CDC42BPA: variants seen among roughly 807,000 people sequenced by gnomAD.
CDC42BPA encodes the protein CDC42 binding protein kinase alpha.
Under a neutral mutation model 223.5 loss-of-function variants are expected in CDC42BPA, and 80 were observed. The observed-to-expected ratio is 0.36, with a 90% CI of 0.30 to 0.43. The LOEUF is 0.43. Among genes scored for constraint, CDC42BPA ranks in the 20% least tolerant of loss-of-function variants. The probability of loss-of-function intolerance (pLI) is 1.00; values close to 1 mark genes in which losing one functional copy is unlikely to be tolerated. For missense variants in CDC42BPA, 1,743 were observed against 2,099.9 expected (o/e 0.83, Z 3.32); for synonymous variants, 694 against 718.6 (o/e 0.97, Z 0.55).
chr1:227,130,952 G>T (rs935808441), intron 10 of CDC42BPA, among the ~76,000 whole-genome samples: 10 of 152,116 alleles, frequency 6.6e-5, no homozygotes, highest in African/African-American at 2.4e-4. Flanking sequence ...TATGAAGGTG[G>T]GGCAGGCATC....
At position 227,072,242 on chromosome 1, in the gene CDC42BPA, C is replaced by T. The variant is rs749908214; in HGVS notation, c.2793G>A (p.Leu931=). 4 of 1,609,318 alleles carry T rather than the reference C, an allele frequency of 2.5e-6. No homozygotes were observed. Among genetic ancestry groups the T allele is most frequent in the Admixed American group, 3.3e-5 (2 of 59,876 alleles). The change falls in exon 20 of 37, where the codon CTG becomes CTA. Residue 931 remains leucine (L), a synonymous_variant. Transcript: ENST00000366766. The part of the protein sequence containing the change: ...NLELLSEIEQ[L]IKDTEELRSE... ...ATCTAAGCTCTTCAGTGTCCTTTATCAGCTGTTCGATTTCTGAGAGTAGTT... is the reference window on the plus strand; with the variant it reads ...ATCTAAGCTCTTCAGTGTCCTTTATTAGCTGTTCGATTTCTGAGAGTAGTT...
chr1:227,143,627 T>C (rs1660111186), intron 8 of CDC42BPA, among the ~76,000 whole-genome samples: 1 of 152,154 alleles, frequency 6.6e-6, no homozygotes, highest in South Asian at 2.1e-4. Context: ...ATGGAGAAAA[T>C]AATGTGCTAG....
chr1:227,214,791 TGTAA>T (rs1449541510), intron 2 of CDC42BPA, among the ~76,000 whole-genome samples: 4 of 152,184 alleles, frequency 2.6e-5, no homozygotes, highest in Non-Finnish European at 5.9e-5. Flanking sequence ...ACCAGTTTTC[TGTAA>T]GTATGTATCT....
intron 5 of CDC42BPA, among the ~76,000 whole-genome samples, chr1:227,180,113 C>T (rs964882469): frequency 5.9e-5 from 9 of 151,938 alleles, no homozygotes; most frequent in African/African-American, 1.5e-4. Context: ...GGCTGAGGCA[C>T]GAGACTCGCT....
At position 227,306,353 on chromosome 1, in the gene CDC42BPA, G is replaced by A. The variant is rs188725630; in HGVS notation, c.178+10652C>T. Among the ~76,000 whole-genome samples the A allele has an allele frequency of 4.5e-4, 68 of 152,212 alleles. No homozygotes were observed. In the East Asian group the frequency reaches 9.5e-3, roughly 21 times the overall value. On this transcript the variant is annotated intron_variant, in intron 1 of 36. Coordinates refer to ENST00000366766, the MANE Select transcript of CDC42BPA (RefSeq NM_001394014.1). The stretch of plus-strand genomic sequence containing the variant: ...GTCAACTGAGCCAGATGCACACAGA[G>A]GTTGAATAAAACCAGAACTCATGAG...
chr1:227,028,556 A>G, intron 30 of CDC42BPA, 101 bp downstream of exon 30: 2 of 793,248 alleles, frequency 2.5e-6, no homozygotes, highest in Non-Finnish European at 3.9e-6. Context: ...TGACTTTTTT[A>G]AAAAACTGTT....
chr1:227,253,797 T>G (rs1007665286), intron 2 of CDC42BPA, among the ~76,000 whole-genome samples: 1 of 152,088 alleles, frequency 6.6e-6, no homozygotes, highest in Middle Eastern at 3.2e-3. Context: ...AAGAAGAGTC[T>G]AGAAACACAC....
At chr1:227,258,162 G>A (rs1457282115) in intron 1 of CDC42BPA, among the ~76,000 whole-genome samples, 1 of 128,756 alleles carries the variant, frequency 7.8e-6, no homozygotes, top group Non-Finnish European at 1.6e-5. Context: ...GCAACAGGGT[G>A]AAACCCTGTC....
intron 5 of CDC42BPA, among the ~76,000 whole-genome samples, chr1:227,163,013 CGTGTATGTTTCCAAACAT>C (rs1558649193): frequency 0.065 from 4,043 of 62,006 alleles, 177 homozygotes; most frequent in African/African-American, 0.17. Context: ...TGTTTCCAAA[CGTGTATGTTTCCAAACAT>C]ATGTGTTTCC....
chr1:227,103,952 TCTATAATTTTAAAAAGAA>T (rs1685470298), intron 14 of CDC42BPA, among the ~76,000 whole-genome samples: 2 of 152,054 alleles, frequency 1.3e-5, no homozygotes, highest in African/African-American at 2.4e-5. Context: ...CAACAAATCT[TCTATAATTTTAAAAAGAA>T]ACAAGATCAA....
At chr1:227,300,891 G>C (rs1017959815) in intron 1 of CDC42BPA, among the ~76,000 whole-genome samples, 1 of 152,170 alleles carries the variant, frequency 6.6e-6, no homozygotes, top group African/African-American at 2.4e-5. Context: ...CAGAAGAGCG[G>C]GTAAGCGCTG....
At chr1:227,052,853 G>A (rs139362883) in intron 21 of CDC42BPA, among the ~76,000 whole-genome samples, 1 of 152,228 alleles carries the variant, frequency 6.6e-6, no homozygotes, top group Non-Finnish European at 1.5e-5. Context: ...TGATGATAAC[G>A]TATCCCTTAG....
intron 14 of CDC42BPA, among the ~76,000 whole-genome samples, chr1:227,105,365 T>C (rs1685732717): frequency 1.4e-5 from 2 of 145,138 alleles, no homozygotes; most frequent in African/African-American, 2.6e-5. Flanking sequence ...TCTTTTTTTT[T>C]TTTTTTTTTT....
At chr1:227,080,390 TAAGA>T (rs1265057307) in intron 17 of CDC42BPA, among the ~76,000 whole-genome samples, 8 of 152,090 alleles carry the variant, frequency 5.3e-5, no homozygotes, top group Non-Finnish European at 1.0e-4. Context: ...CCCAAGAGCT[TAAGA>T]AAGAGCTGAT....
chr1:227,185,994 G>T (rs1413144317), intron 5 of CDC42BPA, among the ~76,000 whole-genome samples: 2 of 152,142 alleles, frequency 1.3e-5, no homozygotes, highest in Non-Finnish European at 2.9e-5. Context: ...AAGGTCACAG[G>T]GCAAACTGTT....
chr1:227,126,763 C>G (rs989726469), intron 11 of CDC42BPA, among the ~76,000 whole-genome samples: 16 of 152,018 alleles, frequency 1.1e-4, no homozygotes, highest in Admixed American at 8.5e-4. Flanking sequence ...TCAATTGATA[C>G]AGAAAAAGAA....
intron 9 of CDC42BPA, among the ~76,000 whole-genome samples, chr1:227,140,625 G>A (rs964176771): frequency 6.6e-6 from 1 of 152,184 alleles, no homozygotes; most frequent in Non-Finnish European, 1.5e-5. Context: ...AGGCAGTCAT[G>A]TAGGGCCTTG....
chr1:227,034,830 A>C (rs1176262509), intron 25 of CDC42BPA, 36 bp from the exon 26 acceptor site: 2 of 1,548,414 alleles, frequency 1.3e-6, no homozygotes, highest in Non-Finnish European at 1.8e-6. Flanking sequence ...CAGCCAAAAC[A>C]ACTCAAATGA....
intron 14 of CDC42BPA, among the ~76,000 whole-genome samples, chr1:227,111,542 T>C (rs1366197245): frequency 6.6e-6 from 1 of 152,178 alleles, no homozygotes; most frequent in Non-Finnish European, 1.5e-5. Flanking sequence ...TGGAGTGCAA[T>C]AGTGCGATCT....
Sources: allele counts gnomAD v4.1 joint callset (sites outside exome capture counted in the v4.1 genomes callset), GRCh38; gene constraint gnomAD v4.1.1; transcripts MANE v1.5; gene names NCBI Gene and HGNC (gene_info 2026-07-23, HGNC 2026-07-21).